Variants in MIA3 observed in about 807,000 individuals in gnomAD.
MIA3 encodes the protein transport and Golgi organization protein 1 homolog.
A neutral mutation model predicts 192.4 loss-of-function variants in MIA3; 90 were observed. The ratio of observed to expected loss-of-function variants is 0.47; its 90% CI spans 0.39 to 0.56. The LOEUF is 0.56. Among genes scored for constraint, MIA3 ranks in the 20% least tolerant of loss-of-function variants. The pLI is 0.00. For missense variants in MIA3, 2,123 were observed against 2,269.4 expected (o/e 0.94, Z 1.31); for synonymous variants, 740 against 792.8 (o/e 0.93, Z 1.12).
chr1:222,650,422 C>A, intron 9 of MIA3, 42 bp downstream of exon 9: 2 of 1,111,968 alleles, frequency 1.8e-6, no homozygotes, highest in Non-Finnish European at 2.6e-6. Context: ...ATGGTCCCAG[C>A]TTGAATTATT....
chr1:222,630,419 GC>G, intron 4 of MIA3, 30 bp downstream of exon 4: 1 of 1,548,938 alleles, frequency 6.5e-7, no homozygotes, highest in Non-Finnish European at 8.7e-7. Context: ...GTAGAACAGG[GC>G]TGGAGAAGCA....
In MIA3 at chr1:222,650,375, C is replaced by G. The variant is rs2124902513; in HGVS notation, c.3715C>G (p.Gln1239Glu). The change falls in exon 9 of 28, where the codon CAG (glutamine) becomes GAG (glutamate). Residue 1239 changes from glutamine (Q) to glutamate (E), a missense_variant. Physicochemically the swap from Gln to Glu is conservative, Grantham distance 29. Around this residue, in one of 3 missense-constraint regions of MIA3, gnomAD observed 762 missense variants for 856.4 expected, o/e 0.89. Transcript: ENST00000344922. ...TGTACAAAAATTGTCAAATTATGAACAGAAGGTATGATTATTCTTTGTTTT... is the reference window on the plus strand; with the variant it reads ...TGTACAAAAATTGTCAAATTATGAAGAGAAGGTATGATTATTCTTTGTTTT... The part of the protein sequence containing the change: ...ELVQKLSNYE[Q>E]KIKESKKHVQ... 1 of 1,506,116 alleles carries G rather than the reference C, an allele frequency of 6.6e-7. No individual in the cohort carries two copies. Among genetic ancestry groups the G allele is most frequent in the South Asian group, 1.2e-5 (1 of 86,122 alleles). The allele number at this position is 1,506,116 out of a possible 1,614,324, so 93.3% of individuals were successfully genotyped here. A position where few individuals can be genotyped will look rare whatever the true frequency, so the allele number is the denominator to read the frequency against.
chr1:222,633,830 G>C (rs1662512512), intron 6 of MIA3, among the ~76,000 whole-genome samples: 1 of 151,916 alleles, frequency 6.6e-6, no homozygotes, highest in Non-Finnish European at 1.5e-5. Flanking sequence ...GGGAAGCGTG[G>C]GTAGTTGGTG....
In MIA3 at chr1:222,630,095, C is replaced by T. The variant is rs772692945; in HGVS notation, c.2875C>T (p.Leu959=). 6 of 1,614,194 alleles carry T rather than the reference C, an allele frequency of 3.7e-6. No individual in the cohort carries two copies. In the Admixed American group the frequency reaches 1.0e-4, roughly 27 times the overall value. The change falls in exon 4 of 28, where the codon CTG becomes TTG. Residue 959 remains leucine, a synonymous_variant. Transcript: ENST00000344922. ...CTTGCTACAAGAAATGTCATCAAAA[C>T]TGAAGTCAGCGCAGCAGGAGAGCCT... is the stretch of plus-strand genomic sequence containing the variant. ...EALLQEMSSK[L]KSAQQESLPY... is the part of the protein sequence containing the mutation.
In MIA3 at chr1:222,621,335, G is replaced by A. The variant is rs372337432; in HGVS notation, c.267+43G>A. The A allele has an allele frequency of 1.1e-4, 175 of 1,573,726 alleles. No homozygotes were observed. The African/African-American group carries it at 2.0e-3, about 18-fold the overall frequency. On this transcript the variant is annotated intron_variant, in intron 2 of 27. Coordinates refer to ENST00000344922, the MANE Select transcript of MIA3 (RefSeq NM_198551.4). ...ATACTTTATTTGCTTAATTTTTATT[G>A]GCTTCTTTAGCACTGTAGAGTTAAA... is the stretch of plus-strand genomic sequence containing the variant.
intron 24 of MIA3, 168 bp downstream of exon 24, chr1:222,660,482 C>A: frequency 1.9e-6 from 1 of 513,760 alleles, no homozygotes; most frequent in Non-Finnish European, 3.2e-6. Flanking sequence ...GCAAGATTTG[C>A]TTTAGAACAG....
intron 1 of MIA3, among the ~76,000 whole-genome samples, chr1:222,620,515 G>A (rs577094743): frequency 2.0e-4 from 30 of 152,338 alleles, no homozygotes; most frequent in African/African-American, 6.0e-4. Flanking sequence ...GCCTTGTGAT[G>A]TAATTGAATC....
intron 26 of MIA3, chr1:222,663,126 G>C (rs1023689545): frequency 6.6e-6 from 1 of 152,190 alleles, no homozygotes; most frequent in African/African-American, 2.4e-5. Flanking sequence ...CCCATAGGAA[G>C]TGATTAATCA....
chr1:222,652,135 C>A, intron 12 of MIA3, 87 bp downstream of exon 12: 1 of 1,362,348 alleles, frequency 7.3e-7, no homozygotes, highest in Non-Finnish European at 1.0e-6. Flanking sequence ...CTAAAATGTG[C>A]AAAAAATGAA....
Position 222,627,732 on chromosome 1 carries a change from T to C in MIA3, c.512T>C (p.Leu171Ser). ...TLQDMEKNPELSKEREPEPEP... is the reference protein window; with the variant it reads ...TLQDMEKNPESSKEREPEPEP... ...CAGGATATGGAAAAAAACCCTGAAT[T>C]ATCTAAGGAAAGGGAACCTGAACCT... The change falls in exon 4 of 28, where the codon TTA becomes TCA. Residue 171 changes from leucine (L) to serine (S), a missense_variant. Around this residue, in one of 3 missense-constraint regions of MIA3, gnomAD observed 1,357 missense variants for 1,396.1 expected, o/e 0.97. Transcript: ENST00000344922. The C allele has an allele frequency of 1.2e-6, 2 of 1,613,044 alleles. No homozygotes were observed. Among genetic ancestry groups the C allele is most frequent in the Non-Finnish European group, 1.7e-6 (2 of 1,179,840 alleles).
Position 222,650,392 on chromosome 1 carries a change from CTTTG to C in MIA3, c.3720+16_3720+19del, listed in dbSNP as rs1558189934. Reference sequence around the variant, plus strand: ...ATTATGAACAGAAGGTATGATTATTCTTTGTTTTTTTTTTTTTTCATGGTCCCAG... The same window carrying C: ...ATTATGAACAGAAGGTATGATTATTCTTTTTTTTTTTTTTCATGGTCCCAG... On this transcript the variant is annotated intron_variant, in intron 9 of 27. Transcript: ENST00000344922. 4 of 1,297,180 alleles carry C rather than the reference CTTTG, an allele frequency of 3.1e-6. No homozygotes were observed. The highest frequency in any genetic ancestry group is 3.4e-5 in the African/African-American group (2 of 59,244). 80.4% of individuals were successfully genotyped at this position (1,297,180 alleles called of 1,614,324 possible).
intron 6 of MIA3, 46 bp from the exon 7 acceptor site, chr1:222,645,508 T>G: frequency 6.5e-7 from 1 of 1,528,796 alleles, no homozygotes; most frequent in Non-Finnish European, 8.8e-7. Flanking sequence ...TATGGTAAGC[T>G]TCTTTAAGGT....
rs1444302258 is a variant in MIA3 at position 222,630,380 on chromosome 1, G to A, written c.3160G>A (p.Ala1054Thr). Reference sequence around the variant, plus strand: ...ACCTCTAGAGGAAGGCTTGGGTGGAGCAATGGAAGGTGAGATGCCTATGGC... The same window carrying A: ...ACCTCTAGAGGAAGGCTTGGGTGGAACAATGGAAGGTGAGATGCCTATGGC... ...APPLEEGLGG[A>T]MEEMQPLHED... The change falls in exon 4 of 28, where the codon GCA becomes ACA. Residue 1054 changes from alanine (A) to threonine (T), a missense_variant. Around this residue, in one of 3 missense-constraint regions of MIA3, gnomAD observed 1,357 missense variants for 1,396.1 expected, o/e 0.97. Transcript: ENST00000344922. The A allele has an allele frequency of 3.1e-6, 5 of 1,599,476 alleles. No homozygotes were observed. The African/African-American group carries it at 5.4e-5, about 17-fold the overall frequency.
At chr1:222,664,267 T>A in intron 27 of MIA3, 119 bp downstream of exon 27, 1 of 1,070,046 alleles carries the variant, frequency 9.3e-7, no homozygotes, top group East Asian at 2.4e-5. Context: ...GCTGATTGAG[T>A]ACACCGTAAC....
At position 222,628,941 on chromosome 1, in the gene MIA3, A is replaced by G; in HGVS notation, c.1721A>G (p.Gln574Arg). The change falls in exon 4 of 28, where the codon CAG becomes CGG. Residue 574 changes from glutamine (Q) to arginine (R), a missense_variant. Physicochemically the swap from Gln to Arg is conservative, Grantham distance 43. Coordinates refer to ENST00000344922, the MANE Select transcript of MIA3 (RefSeq NM_198551.4). ...CAAATGAATGACAGAAAGATTCAAC[A>G]GGAATCCCTGGGTAGTGCACCACTC... ...GNQMNDRKIQQESLGSAPLMG... is the reference protein window; with the variant it reads ...GNQMNDRKIQRESLGSAPLMG... The G allele has an allele frequency of 6.2e-7, 1 of 1,614,210 alleles. No homozygotes were observed. The highest frequency in any genetic ancestry group is 8.5e-7 in the Non-Finnish European group (1 of 1,180,024).
intron 7 of MIA3, among the ~76,000 whole-genome samples, chr1:222,646,713 G>A (rs1365824512): frequency 6.6e-6 from 1 of 152,154 alleles, no homozygotes; most frequent in Admixed American, 6.5e-5. Flanking sequence ...CAGCCTAGGC[G>A]ACAAAGTGAG....
chr1:222,626,486 A>G (rs1400239457), intron 3 of MIA3, among the ~76,000 whole-genome samples: 1 of 152,204 alleles, frequency 6.6e-6, no homozygotes, highest in Non-Finnish European at 1.5e-5. Flanking sequence ...AAGATTGTGA[A>G]TGTTTAGTTA....
intron 6 of MIA3, among the ~76,000 whole-genome samples, chr1:222,644,867 TCTGCA>T (rs931085523): frequency 6.6e-6 from 1 of 152,164 alleles, no homozygotes; most frequent in Non-Finnish European, 1.5e-5. Flanking sequence ...ACAGGTCTTT[TCTGCA>T]TAACCCCCGG....
chr1:222,660,607 A>T, intron 24 of MIA3: 1 of 210,444 alleles, frequency 4.8e-6, no homozygotes, highest in Non-Finnish European at 9.5e-6. Flanking sequence ...AATACAGCTG[A>T]CCCTTGAACA....
Sources: gnomAD v4.1 joint callset for allele counts (sites outside exome capture counted in the v4.1 genomes callset) on GRCh38, gnomAD v4.1.1 for gene constraint, gnomAD v4.1.1 regional missense constraint, MANE v1.5 for transcripts, NCBI Gene and HGNC (gene_info 2026-07-23, HGNC 2026-07-21) for gene names.